BRINP1: variants seen among roughly 807,000 people sequenced by gnomAD.
The protein encoded by BRINP1 is BMP/retinoic acid inducible neural specific 1.
In BRINP1, 17 loss-of-function variants were observed where a neutral mutation model predicts 72.9. The observed-to-expected ratio is 0.23, with a 90% CI of 0.16 to 0.35. BRINP1 has a LOEUF of 0.35. Ranked by LOEUF, BRINP1 falls within the 10% of genes least tolerant of loss-of-function variation. The pLI is 1.00. For missense variants in BRINP1, 850 were observed against 1,001.6 expected, an observed-to-expected ratio of 0.85 and a Z score of 2.04; for synonymous variants, 418 against 378.5, an observed-to-expected ratio of 1.10 and a Z score of -1.21.
intron 1 of BRINP1, among the ~76,000 whole-genome samples, chr9:119,355,728 CAAA>C (rs1176143696): frequency 2.8e-5 from 3 of 107,904 alleles, no homozygotes; most frequent in Non-Finnish European, 3.9e-5. Flanking sequence ...GACTCCGTCT[CAAA>C]AAAAAAAAAA....
At chr9:119,169,348 G>A (rs896377731) in intron 7 of BRINP1, among the ~76,000 whole-genome samples, 3 of 152,198 alleles carry the variant, frequency 2.0e-5, no homozygotes, top group African/African-American at 7.2e-5. Context: ...TTCCCTTTCC[G>A]AAACAAAGAA....
chr9:119,311,572 T>C (rs1213095155), intron 2 of BRINP1, among the ~76,000 whole-genome samples: 1 of 152,172 alleles, frequency 6.6e-6, no homozygotes, highest in Non-Finnish European at 1.5e-5. Context: ...TAACATAGGT[T>C]GAAAACTGCT....
chr9:119,355,597 T>A (rs778632028), intron 1 of BRINP1, among the ~76,000 whole-genome samples: 1 of 151,800 alleles, frequency 6.6e-6, no homozygotes, highest in Admixed American at 6.6e-5. Flanking sequence ...GGCGTGGTGG[T>A]GGGTGCCTGT....
chr9:119,202,501 C>T (rs1022121347), intron 7 of BRINP1, among the ~76,000 whole-genome samples: 2 of 152,120 alleles, frequency 1.3e-5, no homozygotes, highest in Non-Finnish European at 2.9e-5. Flanking sequence ...GTGATAAAGC[C>T]AAGGCTTAAA....
chr9:119,253,615 A>G (rs1449201602), intron 2 of BRINP1, among the ~76,000 whole-genome samples: 1 of 152,168 alleles, frequency 6.6e-6, no homozygotes, highest in African/African-American at 2.4e-5. Flanking sequence ...ATAGTTGGGG[A>G]GGAACGAAGG....
chr9:119,332,387 T>C (rs1459979102), intron 1 of BRINP1, among the ~76,000 whole-genome samples: 1 of 152,204 alleles, frequency 6.6e-6, no homozygotes, highest in Non-Finnish European at 1.5e-5. Flanking sequence ...TATGGGATAG[T>C]TGTGGTGGAT....
Position 119,167,680 on chromosome 9 carries a change from C to T in BRINP1, c.1690G>A (p.Val564Ile). 1 of 1,614,110 alleles carries T rather than the reference C, an allele frequency of 6.2e-7. No individual in the cohort carries two copies. The highest frequency in any genetic ancestry group is 8.5e-7 in the Non-Finnish European group (1 of 1,180,014). ...SSLDPMFFVY[V>I]NPFSGSHSEG... ...GAATGGCTCCCGCTAAAGGGGTTGA[C>T]ATAGACAAAGAACATGGGGTCCAGG... is the stretch of plus-strand genomic sequence containing the variant. Residue 564 changes from valine (V) to isoleucine (I), a missense_variant, in exon 8 of 8, where the codon GTC becomes ATC. Transcript: ENST00000265922. The surrounding 1 kb of genome is among the most constrained non-coding windows in gnomAD (Gnocchi z 4.3).
chr9:119,213,963 A>G lies in BRINP1; in HGVS notation c.878T>C (p.Met293Thr), dbSNP rs767799275. 8 of 1,614,070 alleles carry G rather than the reference A, an allele frequency of 5.0e-6. No individual in the cohort carries two copies. The highest frequency in any genetic ancestry group is 2.2e-5 in the East Asian group (1 of 44,880). Residue 293 changes from methionine (M) to threonine (T), a missense_variant, in exon 6 of 8, where the codon ATG (methionine) becomes ACG (threonine). Met to Thr is a moderately conservative substitution (Grantham distance 81). Coordinates refer to ENST00000265922, the MANE Select transcript of BRINP1 (RefSeq NM_014618.3). ...ATAAGCTTCGGCCCAAGACTTGGCCATGTTGGCCAGCGTGTACTCCATGAT... is the reference window on the plus strand; with the variant it reads ...ATAAGCTTCGGCCCAAGACTTGGCCGTGTTGGCCAGCGTGTACTCCATGAT... ...IQIMEYTLAN[M>T]AKSWAEAYKD...
At chr9:119,364,018 CT>C (rs139650782) in intron 1 of BRINP1, among the ~76,000 whole-genome samples, 13,981 of 125,354 alleles carry the variant, frequency 0.11, 620 homozygotes, top group Non-Finnish European at 0.15. Flanking sequence ...TCATCCCTCC[CT>C]TTTTTTTTTT....
intron 2 of BRINP1, among the ~76,000 whole-genome samples, chr9:119,250,473 T>C (rs1830375523): frequency 6.6e-6 from 1 of 152,190 alleles, no homozygotes; most frequent in Non-Finnish European, 1.5e-5. Context: ...TAGACCTACA[T>C]TTCTTCATCT....
chr9:119,279,128 C>T (rs760988181), intron 2 of BRINP1, among the ~76,000 whole-genome samples: 2 of 152,180 alleles, frequency 1.3e-5, no homozygotes, highest in Non-Finnish European at 2.9e-5. Flanking sequence ...CTTCCCAATG[C>T]TCTGTGCACA....
intron 1 of BRINP1, among the ~76,000 whole-genome samples, chr9:119,321,856 A>C (rs1368236460): frequency 6.6e-6 from 1 of 152,232 alleles, no homozygotes; most frequent in Non-Finnish European, 1.5e-5. Context: ...GGTGGCTGCT[A>C]GAAACTTTAA....
At chr9:119,170,638 A>G (rs1194747563) in intron 7 of BRINP1, among the ~76,000 whole-genome samples, 1 of 146,346 alleles carries the variant, frequency 6.8e-6, no homozygotes, top group Non-Finnish European at 1.5e-5. Flanking sequence ...GAATGCCACA[A>G]AGATACTCCT....
chr9:119,350,860 T>C (rs1394918065), intron 1 of BRINP1, among the ~76,000 whole-genome samples: 2 of 152,022 alleles, frequency 1.3e-5, no homozygotes, highest in African/African-American at 4.8e-5. Context: ...ACATAGTAGA[T>C]GTTCAACAAA....
rs5900396 is a variant in BRINP1, at chr9:119,358,387, T to TA, written c.-51+10668dup. ...GATCTTAAAAAGAGTTTATATGTATTAAAAAAAAAAAAAAAAAAAGGAGAG... is the reference window on the plus strand; with the variant it reads ...GATCTTAAAAAGAGTTTATATGTATTAAAAAAAAAAAAAAAAAAAAGGAGAG... On this transcript the variant is annotated intron_variant, in intron 1 of 7. Transcript: ENST00000265922. Among the ~76,000 whole-genome samples the TA allele has an allele frequency of 4.3e-3, 578 of 134,072 alleles. 8 individuals are homozygous for TA. Among genetic ancestry groups the TA allele is most frequent in the Middle Eastern group, 0.029 (7 of 242 alleles). 88.0% of individuals were successfully genotyped at this position (134,072 alleles called of 152,430 possible).
intron 7 of BRINP1, among the ~76,000 whole-genome samples, chr9:119,203,599 T>C (rs1829825350): frequency 6.6e-6 from 1 of 152,154 alleles, no homozygotes; most frequent in Non-Finnish European, 1.5e-5. Context: ...TATTATTAGC[T>C]CCATTTTACA....
chr9:119,352,121 A>G (rs1379139149), intron 1 of BRINP1, among the ~76,000 whole-genome samples: 1 of 152,068 alleles, frequency 6.6e-6, no homozygotes, highest in African/African-American at 2.4e-5. Context: ...CTATTACTCA[A>G]GATAAATGTT....
intron 2 of BRINP1, among the ~76,000 whole-genome samples, chr9:119,287,264 A>G (rs746130217): frequency 1.3e-5 from 2 of 152,194 alleles, no homozygotes; most frequent in Non-Finnish European, 2.9e-5. Flanking sequence ...CTTCTTAAAT[A>G]TATCATTGCA....
intron 2 of BRINP1, among the ~76,000 whole-genome samples, chr9:119,266,879 G>A (rs1830553500): frequency 6.6e-6 from 1 of 152,234 alleles, no homozygotes; most frequent in East Asian, 1.9e-4. Flanking sequence ...TGTATTAAGT[G>A]AGATGAAAAG....
Sources: gnomAD v4.1 joint callset for allele counts (sites outside exome capture counted in the v4.1 genomes callset) on GRCh38, gnomAD v4.1.1 for gene constraint, Gnocchi (gnomAD v3.1) non-coding constraint, MANE v1.5 for transcripts, NCBI Gene and HGNC (gene_info 2026-07-23, HGNC 2026-07-21) for gene names.